The following HAPLN1 variants were observed in gnomAD, a reference collection of about 807,000 sequenced individuals.
HAPLN1 encodes Cartilage link protein.
A neutral mutation model predicts 36.5 loss-of-function variants in HAPLN1; 13 were observed. The observed-to-expected ratio is 0.36, with a 90% CI of 0.23 to 0.57. HAPLN1 has a LOEUF of 0.57. Among genes scored for constraint, HAPLN1 ranks in the 20% least tolerant of loss-of-function variants. The probability of loss-of-function intolerance (pLI) is 0.83; values close to 1 mark genes in which losing one functional copy is unlikely to be tolerated. For missense variants in HAPLN1, 407 were observed against 439.7 expected (o/e 0.93, Z 0.66); for synonymous variants, 202 against 169.8 (o/e 1.19, Z -1.48).
chr5:83,654,300 G>T lies in HAPLN1; in HGVS notation c.101-1476C>A, dbSNP rs115493588. On this transcript the variant is annotated intron_variant, in intron 2 of 4. Coordinates refer to ENST00000274341, the MANE Select transcript of HAPLN1 (RefSeq NM_001884.4). Reference sequence around the variant, plus strand: ...ATAGATAATGAAATGCGAGGATAATGGCTTCATTTATTACTTAGTTAAGAG... The same window carrying T: ...ATAGATAATGAAATGCGAGGATAATTGCTTCATTTATTACTTAGTTAAGAG... Among the ~76,000 whole-genome samples the T allele has an allele frequency of 1.3e-3, 201 of 152,236 alleles. 2 individuals carry two copies. Among genetic ancestry groups the T allele is most frequent in the Non-Finnish European group, 2.4e-3 (162 of 68,010 alleles).
Position 83,652,738 on chromosome 5 carries a change from A to G in HAPLN1, c.187T>C (p.Phe63Leu). The G allele has an allele frequency of 5.6e-6, 9 of 1,614,086 alleles. No homozygotes were observed. The highest frequency in any genetic ancestry group is 7.6e-6 in the Non-Finnish European group (9 of 1,180,002). The change falls in exon 3 of 5, where the codon TTT becomes CTT. Residue 63 changes from phenylalanine (F) to leucine (L), a missense_variant. Physicochemically the swap from Phe to Leu is conservative, Grantham distance 22. Transcript: ENST00000274341. ...CCAAATGCTGTAGGGTCTCGATAAA[A>G]TTTACATGGCAGTGTAACATTGCCA... ...RGGNVTLPCK[F>L]YRDPTAFGSG...
At chr5:83,701,927 A>AAC (rs112813015) in intron 1 of HAPLN1, among the ~76,000 whole-genome samples, 27,337 of 143,804 alleles carry the variant, frequency 0.19, 2,909 homozygotes, top group Non-Finnish European at 0.26. Context: ...CTTCGACAAA[A>AAC]ACACACACAC....
At chr5:83,659,933 C>A (rs1210604991) in intron 2 of HAPLN1, among the ~76,000 whole-genome samples, 1 of 151,926 alleles carries the variant, frequency 6.6e-6, no homozygotes, top group Admixed American at 6.6e-5. Context: ...TGTTTTTCAT[C>A]ATCTGTGACC....
chr5:83,692,436 T>A (rs1751300669), intron 1 of HAPLN1, among the ~76,000 whole-genome samples: 1 of 151,948 alleles, frequency 6.6e-6, no homozygotes, highest in Admixed American at 6.6e-5. Flanking sequence ...TGAAGGCTGA[T>A]TTCTTGTCTG....
At chr5:83,665,698 A>T (rs1425554509) in intron 2 of HAPLN1, among the ~76,000 whole-genome samples, 2 of 152,186 alleles carry the variant, frequency 1.3e-5, no homozygotes, top group Non-Finnish European at 2.9e-5. Context: ...GGTTTTCTAA[A>T]TCCAAAATGT....
intron 3 of HAPLN1, among the ~76,000 whole-genome samples, chr5:83,648,431 A>ATATATATATATATT (rs1749945456): frequency 7.5e-6 from 1 of 133,526 alleles, no homozygotes; most frequent in African/African-American, 2.9e-5. Flanking sequence ...ATATATATAT[A>ATATATATATATATT]TATATATGGT....
chr5:83,662,228 T>C (rs925573665), intron 2 of HAPLN1, among the ~76,000 whole-genome samples: 3 of 152,170 alleles, frequency 2.0e-5, no homozygotes, highest in African/African-American at 7.2e-5. Flanking sequence ...TATCATCTTA[T>C]GGTGAGTGCT....
intron 2 of HAPLN1, among the ~76,000 whole-genome samples, chr5:83,656,962 T>C (rs188152025): frequency 1.3e-5 from 2 of 152,294 alleles, no homozygotes; most frequent in East Asian, 1.9e-4. Flanking sequence ...AACTATGACA[T>C]TGGACCACTG....
chr5:83,704,796 T>C (rs191296791), intron 1 of HAPLN1, among the ~76,000 whole-genome samples: 6 of 152,100 alleles, frequency 3.9e-5, no homozygotes, highest in African/African-American at 1.2e-4. Context: ...GACTCCAACA[T>C]AGTAATAGTG....
intron 3 of HAPLN1, among the ~76,000 whole-genome samples, chr5:83,651,187 G>T (rs1750052713): frequency 6.6e-6 from 1 of 152,060 alleles, no homozygotes. Flanking sequence ...ACAGATAATA[G>T]AATTCAAACT....
chr5:83,706,104 G>A (rs10058294), intron 1 of HAPLN1, among the ~76,000 whole-genome samples: 53,572 of 125,982 alleles, frequency 0.43, 10,635 homozygotes, highest in Non-Finnish European at 0.46. Context: ...CCTACCAATC[G>A]AAAAAAAAAA....
intron 1 of HAPLN1, among the ~76,000 whole-genome samples, chr5:83,718,868 T>G (rs1331048957): frequency 1.3e-5 from 2 of 152,222 alleles, no homozygotes; most frequent in Non-Finnish European, 2.9e-5. Context: ...GGAGTCATTT[T>G]CTGAATATAA....
intron 3 of HAPLN1, among the ~76,000 whole-genome samples, chr5:83,646,097 G>C (rs1749867959): frequency 6.6e-6 from 1 of 152,178 alleles, no homozygotes; most frequent in Admixed American, 6.5e-5. Context: ...TGACCAAGCT[G>C]TCTCACAACA....
At chr5:83,687,396 A>G (rs902674909) in intron 1 of HAPLN1, among the ~76,000 whole-genome samples, 3 of 152,214 alleles carry the variant, frequency 2.0e-5, no homozygotes, top group Admixed American at 2.0e-4. Flanking sequence ...ATTTCTGTTC[A>G]GGCATATGCA....
chr5:83,676,850 G>A (rs73133854), intron 1 of HAPLN1, among the ~76,000 whole-genome samples: 5,071 of 152,186 alleles, frequency 0.033, 307 homozygotes, highest in African/African-American at 0.12. Context: ...TGCTCGATCA[G>A]CCAGCTTCAA....
At chr5:83,656,327 CA>C (rs35902132) in intron 2 of HAPLN1, among the ~76,000 whole-genome samples, 12,715 of 59,326 alleles carry the variant, frequency 0.21, 225 homozygotes, top group Middle Eastern at 0.26. Flanking sequence ...GACTACGTCT[CA>C]AAAAAAAAAA....
chr5:83,694,593 A>C (rs1561320115), intron 1 of HAPLN1, among the ~76,000 whole-genome samples: 2 of 152,034 alleles, frequency 1.3e-5, no homozygotes, highest in African/African-American at 4.8e-5. Context: ...GAAATAAACA[A>C]TAAGAAAATA....
intron 2 of HAPLN1, among the ~76,000 whole-genome samples, chr5:83,669,764 G>A (rs1165583105): frequency 6.6e-6 from 1 of 152,120 alleles, no homozygotes; most frequent in East Asian, 1.9e-4. Context: ...GATAAGTATT[G>A]GCTCTTGGGA....
rs531029541 is a variant in HAPLN1, at chr5:83,707,526, G to A, written c.-27+13263C>T. Among the ~76,000 whole-genome samples, 11 of 152,316 alleles carry A rather than the reference G, an allele frequency of 7.2e-5. No homozygotes were observed. In the South Asian group the frequency reaches 2.3e-3, roughly 32 times the overall value. ...TAAGTGGTGCTGGGATTATTGGCTAGCGATATGCAGAAGATTGAAGCTGGA... is the reference window on the plus strand; with the variant it reads ...TAAGTGGTGCTGGGATTATTGGCTAACGATATGCAGAAGATTGAAGCTGGA... On this transcript the variant is annotated intron_variant, in intron 1 of 4. Transcript: ENST00000274341.
Sources: allele counts gnomAD v4.1 joint callset (sites outside exome capture counted in the v4.1 genomes callset), GRCh38; gene constraint gnomAD v4.1.1; transcripts MANE v1.5; gene names NCBI Gene and HGNC (gene_info 2026-07-23, HGNC 2026-07-21).